CAST: variants seen among roughly 807,000 people sequenced by gnomAD.
The protein encoded by CAST is MIR583 host.
CAST carries 76 observed loss-of-function variants against 119.6 expected under a neutral mutation model. The observed-to-expected ratio is 0.64, with a 90% CI of 0.53 to 0.77. CAST has a LOEUF of 0.77. Among genes scored for constraint, CAST ranks in the 30% least tolerant of loss-of-function variants. The pLI, the probability that CAST is intolerant of heterozygous loss-of-function variation, is 0.00. For missense variants in CAST, 953 were observed against 946.5 expected, an observed-to-expected ratio of 1.01 and a Z score of -0.09; for synonymous variants, 319 against 331.6, an observed-to-expected ratio of 0.96 and a Z score of 0.41.
At chr5:96,273,038 T>C in the CAST span, among the ~76,000 whole-genome samples, 1,405 of 152,310 alleles carry the variant, frequency 9.2e-3, 26 homozygotes, top group African/African-American at 0.033. Context: ...TTAGACGAGA[T>C]AAAATATTTT....
intron 1 of CAST, among the ~76,000 whole-genome samples, chr5:96,548,576 G>A (rs1299433476): frequency 1.3e-5 from 2 of 151,910 alleles, no homozygotes; most frequent in African/African-American, 4.8e-5. Flanking sequence ...GCGGGCCTCT[G>A]CTACGCTGGG....
chr5:96,263,602 TAG>T, the CAST span, among the ~76,000 whole-genome samples: 494 of 144,806 alleles, frequency 3.4e-3, 3 homozygotes, highest in East Asian at 0.019. Flanking sequence ...GATAGCAAAT[TAG>T]AGAGAGAGAG....
the CAST span, among the ~76,000 whole-genome samples, chr5:96,194,681 A>G: frequency 6.6e-6 from 1 of 152,258 alleles, no homozygotes; most frequent in African/African-American, 2.4e-5. Flanking sequence ...GCAGGACATG[A>G]TATAGAAAGT....
At chr5:96,468,465 G>A in the CAST span, among the ~76,000 whole-genome samples, 1 of 152,070 alleles carries the variant, frequency 6.6e-6, no homozygotes, top group Admixed American at 6.6e-5. Context: ...ATGAATGTTA[G>A]TGGGACCACA....
At chr5:96,595,329 G>A (rs924766125) in intron 1 of CAST, among the ~76,000 whole-genome samples, 1 of 152,238 alleles carries the variant, frequency 6.6e-6, no homozygotes, top group Non-Finnish European at 1.5e-5. Context: ...CCAGCCACAA[G>A]TGTAGTCAGT....
the CAST span, among the ~76,000 whole-genome samples, chr5:96,511,290 G>A: frequency 2.0e-5 from 3 of 152,052 alleles, no homozygotes; most frequent in South Asian, 2.1e-4. Context: ...GACTACAGGC[G>A]CCCGCCACCA....
intron 6 of CAST, chr5:96,728,839 G>A (rs2150436977): frequency 4.2e-6 from 1 of 240,018 alleles, no homozygotes. Flanking sequence ...TGGCTCATGT[G>A]TTATCTGTGT....
At chr5:96,401,020 G>A in the CAST span, among the ~76,000 whole-genome samples, 1 of 146,574 alleles carries the variant, frequency 6.8e-6, no homozygotes, top group African/African-American at 2.6e-5. Context: ...CTGGGAGGCG[G>A]AGCTTGCAGT....
At chr5:96,588,351 G>A (rs759854923) in intron 1 of CAST, among the ~76,000 whole-genome samples, 5 of 151,656 alleles carry the variant, frequency 3.3e-5, no homozygotes, top group Non-Finnish European at 7.4e-5. Flanking sequence ...ACAGGCACAC[G>A]CCACCATGCC....
At chr5:96,724,684 G>A (rs1422226459) in intron 4 of CAST, among the ~76,000 whole-genome samples, 2 of 151,698 alleles carry the variant, frequency 1.3e-5, no homozygotes, top group Admixed American at 6.6e-5. Flanking sequence ...TTAGCCAGGT[G>A]TGGTGGTTTA....
At chr5:96,263,704 A>G in the CAST span, among the ~76,000 whole-genome samples, 1 of 152,170 alleles carries the variant, frequency 6.6e-6, no homozygotes, top group African/African-American at 2.4e-5. Context: ...CACTGCTATA[A>G]AAATAGTACC....
chr5:96,341,919 A>G, the CAST span, among the ~76,000 whole-genome samples: 1 of 152,182 alleles, frequency 6.6e-6, no homozygotes, highest in Admixed American at 6.5e-5. Context: ...CGTGGATTTA[A>G]TAGCTTCTCC....
the CAST span, among the ~76,000 whole-genome samples, chr5:96,212,112 C>T: frequency 5.3e-5 from 8 of 151,612 alleles, no homozygotes; most frequent in African/African-American, 1.9e-4. Flanking sequence ...TATTGTTTTT[C>T]TGGTTTCACA....
intron 26 of CAST, among the ~76,000 whole-genome samples, 166 bp from the exon 27 acceptor site, chr5:96,765,887 C>T (rs1769765225): frequency 6.6e-6 from 1 of 152,134 alleles, no homozygotes; most frequent in Non-Finnish European, 1.5e-5. Context: ...AGCCAACTAG[C>T]AGTCTGTTGA....
At chr5:96,738,385 C>G (rs912131355) in intron 11 of CAST, among the ~76,000 whole-genome samples, 8 of 152,084 alleles carry the variant, frequency 5.3e-5, no homozygotes, top group Non-Finnish European at 1.0e-4. Context: ...GTATCAACAT[C>G]AACACAGCAA....
the CAST span, among the ~76,000 whole-genome samples, chr5:96,372,241 T>A: frequency 6.6e-6 from 1 of 152,234 alleles, no homozygotes; most frequent in Admixed American, 6.5e-5. Flanking sequence ...TTCCTTGCTA[T>A]ATACCTCACC....
chr5:96,285,698 C>T, the CAST span, among the ~76,000 whole-genome samples: 2 of 152,126 alleles, frequency 1.3e-5, no homozygotes, highest in Non-Finnish European at 2.9e-5. Context: ...AGTTCTTTCT[C>T]TTATTTTTGC....
the CAST span, among the ~76,000 whole-genome samples, chr5:96,372,912 T>C: frequency 7.2e-5 from 11 of 152,108 alleles, no homozygotes; most frequent in Non-Finnish European, 1.6e-4. Flanking sequence ...CTTAACCCAA[T>C]GAAAAAGAGC....
chr5:96,007,418 T>G, the CAST span, among the ~76,000 whole-genome samples: 1 of 152,250 alleles, frequency 6.6e-6, no homozygotes, highest in African/African-American at 2.4e-5. Flanking sequence ...TTTCTTTGAC[T>G]TTTGAATTTA....
Sources: gnomAD v4.1 joint callset for allele counts (sites outside exome capture counted in the v4.1 genomes callset) on GRCh38, gnomAD v4.1.1 for gene constraint, MANE v1.5 for transcripts, NCBI Gene and HGNC (gene_info 2026-07-23, HGNC 2026-07-21) for gene names.